The following GNG2 variants were observed in gnomAD, a reference collection of about 807,000 sequenced individuals.
GNG2 encodes guanine nucleotide-binding protein G(I)/G(S)/G(O) subunit gamma-2.
In GNG2, 5 loss-of-function variants were observed where a neutral mutation model predicts 5.5. The observed-to-expected ratio is 0.91, with a 90% CI of 0.48 to 1.92. The LOEUF (loss-of-function observed/expected upper bound fraction) is 1.92. Ranked by LOEUF, GNG2 falls within the 30% of genes most tolerant of loss-of-function variation. The pLI, the probability that GNG2 is intolerant of heterozygous loss-of-function variation, is 0.01. For missense variants in GNG2, 55 were observed against 88.4 expected, an observed-to-expected ratio of 0.62 and a Z score of 1.52; for synonymous variants, 28 against 32.0, an observed-to-expected ratio of 0.88 and a Z score of 0.42.
chr14:51,830,659 A>G (rs1261922961), intron 2 of GNG2, among the ~76,000 whole-genome samples: 1 of 152,142 alleles, frequency 6.6e-6, no homozygotes, highest in Non-Finnish European at 1.5e-5. Flanking sequence ...TCAACTTTCA[A>G]TATGTATTCA....
At chr14:51,902,196 GCT>G (rs1160806126) in intron 2 of GNG2, among the ~76,000 whole-genome samples, 1 of 151,466 alleles carries the variant, frequency 6.6e-6, no homozygotes, top group African/African-American at 2.4e-5. Context: ...GTTATTTCTG[GCT>G]ATATAAAAAT....
chr14:51,861,028 A>T (rs775935329), intron 1 of GNG2, among the ~76,000 whole-genome samples: 1 of 152,326 alleles, frequency 6.6e-6, no homozygotes, highest in African/African-American at 2.4e-5. Context: ...GCTAAATACA[A>T]GAAGCTGTTT....
At chr14:51,918,515 A>G (rs1365831516) in intron 2 of GNG2, 2 of 152,234 alleles carry the variant, frequency 1.3e-5, no homozygotes, top group Non-Finnish European at 2.9e-5. Flanking sequence ...ACAGTTGTAC[A>G]TCTATGGTGT....
chr14:51,964,962 T>A (rs1889811978), intron 3 of GNG2, among the ~76,000 whole-genome samples: 1 of 152,200 alleles, frequency 6.6e-6, no homozygotes, highest in Non-Finnish European at 1.5e-5. Context: ...TCAAGGATAT[T>A]GCCACTATGC....
intron 2 of GNG2, among the ~76,000 whole-genome samples, chr14:51,910,061 T>C (rs754807267): frequency 7.9e-5 from 12 of 152,230 alleles, no homozygotes; most frequent in Non-Finnish European, 1.6e-4. Flanking sequence ...ATAAGCCCTA[T>C]GTATGTAATT....
At chr14:51,908,173 G>A (rs1886054954) in intron 2 of GNG2, among the ~76,000 whole-genome samples, 1 of 152,218 alleles carries the variant, frequency 6.6e-6, no homozygotes, top group African/African-American at 2.4e-5. Flanking sequence ...CATTCATATG[G>A]CTGTAGGCAG....
chr14:51,957,393 C>A (rs1274524601), intron 3 of GNG2, among the ~76,000 whole-genome samples: 1 of 152,040 alleles, frequency 6.6e-6, no homozygotes, highest in African/African-American at 2.4e-5. Context: ...TATCTATATC[C>A]ACCATCTCTA....
chr14:51,928,499 C>G (rs187036212), intron 2 of GNG2, among the ~76,000 whole-genome samples: 15 of 152,280 alleles, frequency 9.9e-5, no homozygotes, highest in Admixed American at 7.8e-4. Flanking sequence ...ACAACTGTTG[C>G]CAGCCTCTTC....
chr14:51,962,381 T>A (rs1006513142), intron 3 of GNG2, among the ~76,000 whole-genome samples: 4 of 152,156 alleles, frequency 2.6e-5, no homozygotes, highest in Non-Finnish European at 5.9e-5. Flanking sequence ...CTGGTATCTA[T>A]CAGTGGCCAA....
At chr14:51,839,834 GCTTTA>G (rs1434556026) in intron 2 of GNG2, among the ~76,000 whole-genome samples, 1 of 152,122 alleles carries the variant, frequency 6.6e-6, no homozygotes, top group Non-Finnish European at 1.5e-5. Flanking sequence ...TTTTTAAACA[GCTTTA>G]CTTTTAGTCA....
intron 2 of GNG2, among the ~76,000 whole-genome samples, chr14:51,938,685 T>C (rs905235433): frequency 6.6e-6 from 1 of 152,196 alleles, no homozygotes; most frequent in Non-Finnish European, 1.5e-5. Flanking sequence ...AACACAGTGA[T>C]GGCAAACAGT....
At chr14:51,844,277 A>G (rs1275775902) in intron 2 of GNG2, among the ~76,000 whole-genome samples, 1 of 152,174 alleles carries the variant, frequency 6.6e-6, no homozygotes, top group Non-Finnish European at 1.5e-5. Context: ...ATAAGTCGTC[A>G]CTTGTGTTTA....
At chr14:51,850,472 G>A (rs917342218) in intron 2 of GNG2, among the ~76,000 whole-genome samples, 7 of 152,124 alleles carry the variant, frequency 4.6e-5, no homozygotes, top group Non-Finnish European at 1.0e-4. Context: ...TGGCACATAT[G>A]AGGCTAAAAA....
At chr14:51,860,187 C>T (rs1263488201), upstream of GNG2, among the ~76,000 whole-genome samples, 8 of 145,658 alleles carry the variant, frequency 5.5e-5, no homozygotes, top group African/African-American at 2.1e-4. Context: ...TGTGGGATCT[C>T]GGGGGCCAGA....
intron 2 of GNG2, among the ~76,000 whole-genome samples, chr14:51,837,248 T>G (rs986344289): frequency 5.3e-5 from 8 of 152,156 alleles, no homozygotes; most frequent in African/African-American, 1.9e-4. Flanking sequence ...TTCCCATACC[T>G]AGATATAGGG....
chr14:51,847,387 C>A (rs1437329382), intron 2 of GNG2: 1 of 152,278 alleles, frequency 6.6e-6, no homozygotes, highest in Non-Finnish European at 1.5e-5. Flanking sequence ...AGGTAACCGA[C>A]GTTGTGTAAG....
upstream of GNG2, among the ~76,000 whole-genome samples, chr14:51,860,069 CCA>C (rs1882356709): frequency 6.6e-6 from 1 of 151,934 alleles, no homozygotes. Flanking sequence ...GAAATGTTGG[CCA>C]CAGAGAAAAA....
chr14:51,842,888 C>A (rs1258784792), intron 2 of GNG2, among the ~76,000 whole-genome samples: 1 of 152,104 alleles, frequency 6.6e-6, no homozygotes, highest in Non-Finnish European at 1.5e-5. Context: ...TGGTCCCGAA[C>A]TCCTGACCCC....
At chr14:51,930,886 T>TA (rs1281007545) in intron 2 of GNG2, among the ~76,000 whole-genome samples, 2 of 152,144 alleles carry the variant, frequency 1.3e-5, no homozygotes, top group Non-Finnish European at 2.9e-5. Flanking sequence ...CACACTCTTT[T>TA]AAACAACCAG....
Sources: allele counts gnomAD v4.1 joint callset (sites outside exome capture counted in the v4.1 genomes callset), GRCh38; gene constraint gnomAD v4.1.1; transcripts MANE v1.5; gene names NCBI Gene and HGNC (gene_info 2026-07-23, HGNC 2026-07-21).